The following RFX1 variants were observed in gnomAD, a reference collection of about 807,000 sequenced individuals.
RFX1 encodes regulatory factor X1.
A neutral mutation model predicts 119.6 loss-of-function variants in RFX1; 42 were observed. That is an observed-to-expected ratio of 0.35 (90% CI 0.27 to 0.45). The LOEUF is 0.45. Among genes scored for constraint, RFX1 ranks in the 20% least tolerant of loss-of-function variants. The pLI, the probability that RFX1 is intolerant of heterozygous loss-of-function variation, is 1.00. For missense variants in RFX1, 1,118 were observed against 1,368.1 expected (o/e 0.82, Z 2.88); for synonymous variants, 628 against 618.5 (o/e 1.02, Z -0.23).
intron 2 of RFX1, 143 bp downstream of exon 2, chr19:13,993,382 T>C: frequency 1.4e-6 from 1 of 714,580 alleles, no homozygotes; most frequent in Non-Finnish European, 2.2e-6. Flanking sequence ...CTTGCATGGC[T>C]TAAGCACCCC....
Position 13,962,425 on chromosome 19 carries a change from A to C in RFX1, c.*270T>G. ...GCTGGGGCCTGGGAGGGGGGCGGCCAAGGGGCCGAGCTGGATGCCCCGCGG... is the reference window on the plus strand; with the variant it reads ...GCTGGGGCCTGGGAGGGGGGCGGCCCAGGGGCCGAGCTGGATGCCCCGCGG... On this transcript the variant is annotated 3_prime_UTR_variant, in exon 21 of 21. Transcript: ENST00000254325. 1 of 479,758 alleles carries C rather than the reference A, an allele frequency of 2.1e-6. No homozygotes were observed. The highest frequency in any genetic ancestry group is 3.7e-6 in the Non-Finnish European group (1 of 270,888). The allele number at this position is 479,758 out of a possible 1,614,324, so 29.7% of individuals were successfully genotyped here. A position where few individuals can be genotyped will look rare whatever the true frequency, so the allele number is the denominator to read the frequency against.
At chr19:13,997,684 GGACCCTCCT>G (rs1975082383) in intron 1 of RFX1, among the ~76,000 whole-genome samples, 3 of 152,222 alleles carry the variant, frequency 2.0e-5, no homozygotes, top group Non-Finnish European at 2.9e-5. Context: ...AGGGACTCCA[GGACCCTCCT>G]GGCTGGCAGG....
Position 13,963,221 on chromosome 19 carries a change from G to A in RFX1, c.2625C>T (p.Phe875=), listed in dbSNP as rs767730679. 2 of 1,612,678 alleles carry A rather than the reference G, an allele frequency of 1.2e-6. No homozygotes were observed. Among genetic ancestry groups the A allele is most frequent in the Non-Finnish European group, 1.7e-6 (2 of 1,179,496 alleles). The change falls in exon 19 of 21, where the codon TTC becomes TTT. Residue 875 remains phenylalanine (F), a synonymous_variant. Transcript: ENST00000254325. The stretch of plus-strand genomic sequence containing the variant: ...CGTCGTAGAGCAGCCGGATGAGGTG[G>A]AAGGAACCGAAGCTGGCGGCGCTGC... ...TLRSAASFGS[F]HLIRLLYDEY...
intron 1 of RFX1, chr19:13,998,042 C>G (rs1975093829): frequency 6.6e-6 from 1 of 152,200 alleles, no homozygotes; most frequent in South Asian, 2.1e-4. Context: ...GCCGACGACC[C>G]TTCATCTGTC....
intron 1 of RFX1, among the ~76,000 whole-genome samples, chr19:14,003,234 C>T (rs1975273641): frequency 6.6e-6 from 1 of 152,192 alleles, no homozygotes; most frequent in Admixed American, 6.5e-5. Context: ...GATCCACCCA[C>T]CTTGGCCTCT....
chr19:13,994,225 T>C (rs988689686), intron 1 of RFX1, among the ~76,000 whole-genome samples: 8 of 151,964 alleles, frequency 5.3e-5, no homozygotes, highest in Non-Finnish European at 1.0e-4. Flanking sequence ...CGGGGGAACT[T>C]GGGCCTGTGT....
At chr19:13,974,596 G>GGAA (rs1439866318) in intron 8 of RFX1, among the ~76,000 whole-genome samples, 1 of 152,194 alleles carries the variant, frequency 6.6e-6, no homozygotes, top group Non-Finnish European at 1.5e-5. Flanking sequence ...CGAACAATAG[G>GGAA]GAAGAATGCG....
intron 2 of RFX1, among the ~76,000 whole-genome samples, chr19:13,992,659 G>A (rs1016018083): frequency 3.3e-5 from 5 of 152,120 alleles, no homozygotes; most frequent in Non-Finnish European, 7.4e-5. Flanking sequence ...CCTCGCATGC[G>A]TCCCCTGAGA....
rs188167241 is a variant in RFX1 at position 13,962,660 on chromosome 19, G to C, written c.*35C>G. ...CTTTGAGGGACCCTGGCGTGGAGGG[G>C]TGGCGGGGGCGGGTGGGGCGGGGAG... On this transcript the variant is annotated 3_prime_UTR_variant, in exon 21 of 21. Coordinates refer to ENST00000254325, the MANE Select transcript of RFX1 (RefSeq NM_002918.5). 2.7e-6 allele frequency: 4 copies of C among 1,478,610 alleles called. No homozygotes were observed. The Admixed American group carries it at 8.7e-5, about 32-fold the overall frequency. 91.6% of individuals were successfully genotyped at this position (1,478,610 alleles called of 1,614,324 possible). A position where few individuals can be genotyped will look rare whatever the true frequency, so the allele number is the denominator to read the frequency against.
chr19:13,987,144 C>T (rs539306190), intron 2 of RFX1, among the ~76,000 whole-genome samples: 40 of 152,348 alleles, frequency 2.6e-4, no homozygotes, highest in Non-Finnish European at 5.0e-4. Flanking sequence ...GCCCCTCCTT[C>T]GGGGCGGCCC....
In RFX1 at chr19:13,970,284, C is replaced by T. The variant is rs1974037603; in HGVS notation, c.1315-109G>A. The T allele has an allele frequency of 7.6e-6, 7 of 916,058 alleles. No individual in the cohort carries two copies. In the East Asian group the frequency reaches 7.8e-5, roughly 10 times the overall value. 56.7% of individuals were successfully genotyped at this position (916,058 alleles called of 1,614,324 possible). A position where few individuals can be genotyped will look rare whatever the true frequency, so the allele number is the denominator to read the frequency against. On this transcript the variant is annotated intron_variant, in intron 9 of 20. Transcript: ENST00000254325. Reference sequence around the variant, plus strand: ...CTTCCAGCTGGGATCCTGACAGCCACGCCCACATAAGTTAGCACATCCTAC... The same window carrying T: ...CTTCCAGCTGGGATCCTGACAGCCATGCCCACATAAGTTAGCACATCCTAC...
chr19:13,996,089 T>C (rs1391016324), intron 1 of RFX1, among the ~76,000 whole-genome samples: 2 of 152,026 alleles, frequency 1.3e-5, no homozygotes, highest in Non-Finnish European at 2.9e-5. Flanking sequence ...TTAAAGGGTG[T>C]GTTCCTCTCC....
intron 8 of RFX1, among the ~76,000 whole-genome samples, chr19:13,974,621 C>G (rs1227609896): frequency 6.6e-6 from 1 of 152,112 alleles, no homozygotes; most frequent in African/African-American, 2.4e-5. Context: ...ATGTGGCATG[C>G]GTGTCTGTCA....
rs1240882568 is a variant in RFX1 at position 13,985,547 on chromosome 19, C to CA, written c.320-1953dup. On this transcript the variant is annotated intron_variant, in intron 2 of 20. Transcript: ENST00000254325. The surrounding 1 kb of genome is among the most constrained non-coding windows in gnomAD (Gnocchi z 4.3). ...ACCAGAAGCAAGGAAGTGATCTGTC[C>CA]AAGGTCAAATGCACCATCCACCGTG... Among the ~76,000 whole-genome samples, 2 of 152,178 alleles carry CA rather than the reference C, an allele frequency of 1.3e-5. No individual in the cohort carries two copies. Among genetic ancestry groups the CA allele is most frequent in the Non-Finnish European group, 2.9e-5 (2 of 68,034 alleles).
chr19:14,005,082 G>GCTCC (rs1347203595), intron 1 of RFX1, among the ~76,000 whole-genome samples: 1 of 152,168 alleles, frequency 6.6e-6, no homozygotes, highest in African/African-American at 2.4e-5. Flanking sequence ...GGCTTCATTT[G>GCTCC]CTCCCCCATT....
At chr19:13,983,786 G>C (rs1254969532) in intron 2 of RFX1, among the ~76,000 whole-genome samples, 191 bp from the exon 3 acceptor site, 1 of 152,216 alleles carries the variant, frequency 6.6e-6, no homozygotes, top group Admixed American at 6.5e-5. Context: ...GCGGGCTGAG[G>C]CTTGCAGGAC....
At chr19:13,975,550 T>G (rs1974229966) in intron 8 of RFX1, among the ~76,000 whole-genome samples, 1 of 151,916 alleles carries the variant, frequency 6.6e-6, no homozygotes, top group Non-Finnish European at 1.5e-5. Context: ...ACACATCAGG[T>G]CCAGCTCTCG....
At chr19:13,976,435 G>A (rs372431178) in intron 8 of RFX1, among the ~76,000 whole-genome samples, 77 of 152,352 alleles carry the variant, frequency 5.1e-4, no homozygotes, top group African/African-American at 1.8e-3. Context: ...GACCCCCGGC[G>A]AGGAGCCCGA....
At chr19:13,991,755 G>A (rs1974810096) in intron 2 of RFX1, among the ~76,000 whole-genome samples, 1 of 152,084 alleles carries the variant, frequency 6.6e-6, no homozygotes, top group African/African-American at 2.4e-5. Flanking sequence ...TCTGCCTCCG[G>A]GTTCAAGTGA....
Sources: allele counts gnomAD v4.1 joint callset (sites outside exome capture counted in the v4.1 genomes callset), GRCh38; gene constraint gnomAD v4.1.1; non-coding constraint Gnocchi (gnomAD v3.1); transcripts MANE v1.5; gene names NCBI Gene and HGNC (gene_info 2026-07-23, HGNC 2026-07-21).